The following RNF24 variants were observed in gnomAD, a reference collection of about 807,000 sequenced individuals.
The protein encoded by RNF24 is ring finger protein 24.
Under a neutral mutation model 20.0 loss-of-function variants are expected in RNF24, and 14 were observed. The ratio of observed to expected loss-of-function variants is 0.70; its 90% CI spans 0.46 to 1.10. RNF24 has a LOEUF of 1.10. Ranked by LOEUF, RNF24 falls within the 50% of genes least tolerant of loss-of-function variation. The pLI is 0.00. For synonymous variants in RNF24, 45 were observed against 61.1 expected (o/e 0.74, Z 1.23); for missense variants, 124 against 177.6 (o/e 0.70, Z 1.71).
chr20:4,012,668 AT>A (rs1484113573), intron 1 of RNF24, among the ~76,000 whole-genome samples: 1 of 152,142 alleles, frequency 6.6e-6, no homozygotes, highest in Non-Finnish European at 1.5e-5. Context: ...GTTAGTTTAG[AT>A]TTTTTCTTCA....
chr20:4,003,633 CTTTTT>C (rs377227990), intron 1 of RNF24, among the ~76,000 whole-genome samples: 28 of 84,424 alleles, frequency 3.3e-4, no homozygotes, highest in South Asian at 9.5e-4. Flanking sequence ...TTAGAAACTC[CTTTTT>C]TTTTTTTTTT....
chr20:3,951,550 A>G (rs1324880479), intron 2 of RNF24, among the ~76,000 whole-genome samples: 5 of 152,286 alleles, frequency 3.3e-5, no homozygotes, highest in African/African-American at 9.6e-5. Context: ...TAGTTCTCTA[A>G]TTCCTTGCAC....
rs1600662918 is a variant in RNF24 at position 3,963,970 on chromosome 20, T to A, written c.48A>T (p.Gly16=). The change falls in exon 2 of 6, where the codon GGA becomes GGT. Residue 16 remains glycine (G), a synonymous_variant. Transcript: ENST00000358395. Reference sequence around the variant, plus strand: ...ATATGTTGAGAGGCAGATTCTGGAATCCAATATTAGGCATCCTGAAGTTGT... The same window carrying A: ...ATATGTTGAGAGGCAGATTCTGGAAACCAATATTAGGCATCCTGAAGTTGT... The part of the protein sequence containing the change: ...PHYNFRMPNI[G]FQNLPLNIYI... The A allele has an allele frequency of 6.2e-7, 1 of 1,613,542 alleles. No homozygotes were observed. The highest frequency in any genetic ancestry group is 2.2e-5 in the East Asian group (1 of 44,836).
chr20:3,943,281 T>A (rs2090978751), intron 4 of RNF24, among the ~76,000 whole-genome samples: 1 of 149,626 alleles, frequency 6.7e-6, no homozygotes, highest in Non-Finnish European at 1.5e-5. Context: ...TAATGCAATA[T>A]AAATCAAAAT....
chr20:4,011,007 A>G (rs1982419532), intron 1 of RNF24, among the ~76,000 whole-genome samples: 1 of 152,222 alleles, frequency 6.6e-6, no homozygotes, highest in South Asian at 2.1e-4. Flanking sequence ...GCACACACAT[A>G]CATATACAGC....
At chr20:3,941,013 T>C (rs1414107103) in intron 4 of RNF24, among the ~76,000 whole-genome samples, 1 of 152,196 alleles carries the variant, frequency 6.6e-6, no homozygotes, top group Admixed American at 6.5e-5. Context: ...TATAAGGCTG[T>C]TCCTCCGTGA....
At position 3,948,242 on chromosome 20, in the gene RNF24, T is replaced by G. The variant is rs769673161; in HGVS notation, c.181A>C (p.Lys61Gln). The G allele has an allele frequency of 1.4e-5, 23 of 1,589,086 alleles. No homozygotes were observed. The highest frequency in any genetic ancestry group is 2.0e-5 in the Non-Finnish European group (23 of 1,171,980). Residue 61 changes from lysine (K) to glutamine (Q), a missense_variant, in exon 3 of 6, where the codon AAA becomes CAA. By Grantham distance (53) the Lys-to-Gln change is moderately conservative. Coordinates refer to ENST00000358395, the MANE Select transcript of RNF24 (RefSeq NM_001134337.3). ...HQAHKEFYAY[K>Q]QVILKEKVKE... ...ATCTGAATTAAATTTCTCACCTGTT[T>G]GTAGGCATAAAATTCTTTGTGTGCT...
intron 2 of RNF24, among the ~76,000 whole-genome samples, chr20:3,963,411 G>A (rs545171991): frequency 2.0e-5 from 3 of 152,074 alleles, no homozygotes; most frequent in Non-Finnish European, 2.9e-5. Context: ...CAGGCTGGTC[G>A]AGAACTCCCG....
chr20:3,928,778 A>AC lies in RNF24; in HGVS notation c.*5284_*5285insG. 6.9e-6 allele frequency: 1 copy of AC among 145,960 alleles called. No individual in the cohort carries two copies. The highest frequency in any genetic ancestry group is 2.2e-4 in the South Asian group (1 of 4,608). 9.0% of individuals were successfully genotyped at this position (145,960 alleles called of 1,614,324 possible). On this transcript the variant is annotated 3_prime_UTR_variant, in exon 6 of 6. Coordinates refer to ENST00000358395, the MANE Select transcript of RNF24 (RefSeq NM_001134337.3). ...AAAAAAAAAAAAAAAAAAAAAAAAA[A>AC]ATTGTTGGGGTAATTTCTGTTGTCA...
chr20:3,968,844 T>A (rs1052855494), intron 1 of RNF24, among the ~76,000 whole-genome samples: 1 of 152,066 alleles, frequency 6.6e-6, no homozygotes, highest in Non-Finnish European at 1.5e-5. Flanking sequence ...ATAAGACCTA[T>A]ATTTGGACAG....
chr20:3,945,110 A>T, intron 4 of RNF24, 67 bp downstream of exon 4: 1 of 1,569,310 alleles, frequency 6.4e-7, no homozygotes, highest in Admixed American at 2.0e-5. Context: ...AAAAGTGTTT[A>T]AACATACCAC....
chr20:3,963,111 TATTTA>T (rs1394019641), intron 2 of RNF24, among the ~76,000 whole-genome samples: 2 of 152,228 alleles, frequency 1.3e-5, no homozygotes, highest in African/African-American at 4.8e-5. Flanking sequence ...TTGTCTCAAG[TATTTA>T]ATTAATTTGG....
chr20:3,940,492 G>C (rs2090942865), intron 4 of RNF24, among the ~76,000 whole-genome samples: 1 of 150,932 alleles, frequency 6.6e-6, no homozygotes, highest in Non-Finnish European at 1.5e-5. Flanking sequence ...AGTTCCAGGA[G>C]AGAGAAAGAG....
rs76462585 is a variant in RNF24 at position 3,980,892 on chromosome 20, C to T, written c.-7-16868G>A. The stretch of plus-strand genomic sequence containing the variant: ...AATAACCCTGGGCTCCATTCTTACA[C>T]GGCAAAAACAGCCTGGAGCTGAGTG... On this transcript the variant is annotated intron_variant, in intron 1 of 5. Coordinates refer to ENST00000358395, the MANE Select transcript of RNF24 (RefSeq NM_001134337.3). 8.6e-3 allele frequency among the ~76,000 whole-genome samples: 1,299 copies of T among 150,866 alleles called. 26 individuals are homozygous for T. The highest frequency in any genetic ancestry group is 0.03 in the African/African-American group (1,238 of 40,960).
chr20:3,948,569 T>C (rs2091046966), intron 2 of RNF24, among the ~76,000 whole-genome samples: 2 of 152,178 alleles, frequency 1.3e-5, no homozygotes, highest in African/African-American at 4.8e-5. Flanking sequence ...AGAAAAAATT[T>C]AAGTATAACA....
chr20:3,972,709 T>C (rs1224904073), intron 1 of RNF24, among the ~76,000 whole-genome samples: 1 of 152,046 alleles, frequency 6.6e-6, no homozygotes, highest in Non-Finnish European at 1.5e-5. Flanking sequence ...AAGACCAGAC[T>C]GGCCAACATG....
rs1360191369 is a variant in RNF24, at chr20:3,982,572, CTG to C, written c.-7-18550_-7-18549del. Among the ~76,000 whole-genome samples, 11 of 96,982 alleles carry C rather than the reference CTG, an allele frequency of 1.1e-4. No homozygotes were observed. The East Asian group carries it at 1.9e-3, about 16-fold the overall frequency. The allele number at this position is 96,982 out of a possible 152,430, so 63.6% of individuals were successfully genotyped here. ...CTAGCCTAGGCAACAGGGTGAGACTCTGTCTCAAAAAAAAAAAAAAAAAAGAG... is the reference window on the plus strand; with the variant it reads ...CTAGCCTAGGCAACAGGGTGAGACTCTCTCAAAAAAAAAAAAAAAAAAGAG... On this transcript the variant is annotated intron_variant, in intron 1 of 5. Coordinates refer to ENST00000358395, the MANE Select transcript of RNF24 (RefSeq NM_001134337.3).
At chr20:3,980,797 A>G (rs1979313360) in intron 1 of RNF24, among the ~76,000 whole-genome samples, 1 of 152,130 alleles carries the variant, frequency 6.6e-6, no homozygotes, top group African/African-American at 2.4e-5. Flanking sequence ...AAAGATTGAG[A>G]TAATTTAGAT....
rs976720404 is a variant in RNF24 at position 3,928,070 on chromosome 20, T to C, written c.*5993A>G. The stretch of plus-strand genomic sequence containing the variant: ...CACATGGGGATCCCTTATTAATCTT[T>C]ACTAAAGAACCGTGAACCAGCATTT... On this transcript the variant is annotated 3_prime_UTR_variant, in exon 6 of 6. Coordinates refer to ENST00000358395, the MANE Select transcript of RNF24 (RefSeq NM_001134337.3). The C allele has an allele frequency of 8.5e-5, 13 of 152,176 alleles. No homozygotes were observed. Among genetic ancestry groups the C allele is most frequent in the African/African-American group, 3.1e-4 (13 of 41,440 alleles). 9.4% of individuals were successfully genotyped at this position (152,176 alleles called of 1,614,324 possible).
Sources: gnomAD v4.1 joint callset for allele counts (sites outside exome capture counted in the v4.1 genomes callset) on GRCh38, gnomAD v4.1.1 for gene constraint, MANE v1.5 for transcripts, NCBI Gene and HGNC (gene_info 2026-07-23, HGNC 2026-07-21) for gene names.